The following SH3GL1 variants were observed in gnomAD, a reference collection of about 807,000 sequenced individuals.
The protein encoded by SH3GL1 is endophilin-A2.
SH3GL1 carries 21 observed loss-of-function variants against 48.8 expected under a neutral mutation model. The observed-to-expected ratio is 0.43, with a 90% CI of 0.30 to 0.62. SH3GL1 has a LOEUF of 0.62. Among genes scored for constraint, SH3GL1 ranks in the 20% least tolerant of loss-of-function variants. The pLI is 0.11. For missense variants in SH3GL1, 454 were observed against 503.0 expected, an observed-to-expected ratio of 0.90 and a Z score of 0.93; for synonymous variants, 282 against 217.5, an observed-to-expected ratio of 1.30 and a Z score of -2.61.
intron 1 of SH3GL1, among the ~76,000 whole-genome samples, chr19:4,368,883 A>C (rs1972838047): frequency 2.0e-5 from 3 of 152,108 alleles, no homozygotes; most frequent in Non-Finnish European, 2.9e-5. Context: ...CATCCTGGCT[A>C]ACACAGTGAA....
intron 1 of SH3GL1, among the ~76,000 whole-genome samples, chr19:4,385,406 G>A (rs1973217708): frequency 6.6e-6 from 1 of 152,222 alleles, no homozygotes. Flanking sequence ...CAGGGAATGT[G>A]TTCTGAATGC....
chr19:4,399,381 GGGGGA>G (rs1973480610), intron 1 of SH3GL1, among the ~76,000 whole-genome samples: 3 of 149,560 alleles, frequency 2.0e-5, no homozygotes, highest in African/African-American at 7.4e-5. Context: ...CAGTAGTCCT[GGGGGA>G]CAGGAAAGGA....
chr19:4,392,267 C>T (rs1973350922), intron 1 of SH3GL1, among the ~76,000 whole-genome samples: 1 of 152,240 alleles, frequency 6.6e-6, no homozygotes. Context: ...TGGCTCACGC[C>T]TGTAATCCCA....
chr19:4,375,977 C>T (rs1259644378), intron 1 of SH3GL1, among the ~76,000 whole-genome samples: 1 of 152,180 alleles, frequency 6.6e-6, no homozygotes, highest in East Asian at 1.9e-4. Flanking sequence ...GATCTTTTCT[C>T]AACAGCTCCT....
chr19:4,399,398 G>A (rs1221086771), intron 1 of SH3GL1, among the ~76,000 whole-genome samples: 3 of 150,692 alleles, frequency 2.0e-5, no homozygotes, highest in African/African-American at 7.3e-5. Flanking sequence ...AGGAAAGGAA[G>A]GGAGGAAGGA....
At chr19:4,379,615 G>A (rs993336736) in intron 1 of SH3GL1, among the ~76,000 whole-genome samples, 2 of 152,032 alleles carry the variant, frequency 1.3e-5, no homozygotes, top group African/African-American at 4.8e-5. Context: ...CTTCCTACCA[G>A]CTGGGAACTT....
rs1330327143 is a variant in SH3GL1, at chr19:4,365,540, C to T, written c.273G>A (p.Gly91=). The T allele has an allele frequency of 6.2e-7, 1 of 1,614,040 alleles. No individual in the cohort carries two copies. Among genetic ancestry groups the T allele is most frequent in the East Asian group, 2.2e-5 (1 of 44,882 alleles). ...VKNPGYPQSE[G]LLGECMIRHG... The stretch of plus-strand genomic sequence containing the variant: ...GGCGGATCATGCACTCGCCCAGAAG[C>T]CCCTCCGACTGCGGGTAGCCGGGGT... The change falls in exon 4 of 10, where the codon GGG becomes GGA. Residue 91 remains glycine (G), a synonymous_variant. Coordinates refer to ENST00000269886, the MANE Select transcript of SH3GL1 (RefSeq NM_003025.4).
At position 4,376,874 on chromosome 19, in the gene SH3GL1, C is replaced by T. The variant is rs1213325857; in HGVS notation, c.46-9880G>A. The stretch of plus-strand genomic sequence containing the variant: ...ACAGGAAGCACTCTCCAATGCTTAG[C>T]GCCCTAGAATAAAGGACCCCGGGCA... On this transcript the variant is annotated intron_variant, in intron 1 of 9. Transcript: ENST00000269886. The surrounding 1 kb of genome is among the most constrained non-coding windows in gnomAD (Gnocchi z 4.3). 1.3e-5 allele frequency among the ~76,000 whole-genome samples: 2 copies of T among 152,202 alleles called. No individual in the cohort carries two copies. The highest frequency in any genetic ancestry group is 2.9e-5 in the Non-Finnish European group (2 of 68,034).
Position 4,361,668 on chromosome 19 carries a change from T to A in SH3GL1, c.1039A>T (p.Met347Leu), listed in dbSNP as rs1366405325. Residue 347 changes from methionine to leucine, a missense_variant, in exon 10 of 10, where the codon ATG becomes TTG. Coordinates refer to ENST00000269886, the MANE Select transcript of SH3GL1 (RefSeq NM_003025.4). ...AAGAAGCCCGACTGGCCGTCCAGCA[T>A]GCCCTCGTACCAGTTCTCATCGATC... ...NQIDENWYEGMLDGQSGFFPL... is the reference protein window; with the variant it reads ...NQIDENWYEGLLDGQSGFFPL... 6.2e-7 allele frequency: 1 copy of A among 1,612,594 alleles called. No individual in the cohort carries two copies. The highest frequency in any genetic ancestry group is 1.7e-5 in the Admixed American group (1 of 60,004).
chr19:4,393,941 C>T (rs1187952087), intron 1 of SH3GL1, among the ~76,000 whole-genome samples: 1 of 151,880 alleles, frequency 6.6e-6, no homozygotes, highest in Non-Finnish European at 1.5e-5. Flanking sequence ...GGCCCAGGAT[C>T]CCCCGGCAGA....
intron 1 of SH3GL1, among the ~76,000 whole-genome samples, chr19:4,392,984 G>A (rs775241731): frequency 7.2e-5 from 11 of 152,144 alleles, no homozygotes; most frequent in Non-Finnish European, 1.3e-4. Context: ...CAACCCGGGC[G>A]TGGTAGCTCA....
chr19:4,372,582 A>G (rs142891753), intron 1 of SH3GL1, among the ~76,000 whole-genome samples: 1,531 of 152,276 alleles, frequency 0.01, 15 homozygotes, highest in Non-Finnish European at 0.015. Context: ...GCAGGGGCAA[A>G]GGATGTAGGG....
chr19:4,396,109 C>T (rs1599624672), intron 1 of SH3GL1: 1 of 151,994 alleles, frequency 6.6e-6, no homozygotes, highest in African/African-American at 2.4e-5. Context: ...AAATATCTAC[C>T]TGTGGGGCGG....
At position 4,367,019 on chromosome 19, in the gene SH3GL1, C is replaced by G; in HGVS notation, c.46-25G>C. 22 of 1,610,978 alleles carry G rather than the reference C, an allele frequency of 1.4e-5. No homozygotes were observed. Among genetic ancestry groups the G allele is most frequent in the Non-Finnish European group, 1.7e-5 (20 of 1,177,164 alleles). ...GCTAGAGGACAGAAGAGGGGAAACGCTGTGAGCCCAGGGGTAGGAGGAAGA... is the reference window on the plus strand; with the variant it reads ...GCTAGAGGACAGAAGAGGGGAAACGGTGTGAGCCCAGGGGTAGGAGGAAGA... On this transcript the variant is annotated intron_variant, in intron 1 of 9. Transcript: ENST00000269886. The surrounding 1 kb of genome is among the most constrained non-coding windows in gnomAD (Gnocchi z 4.2).
chr19:4,378,115 AC>A (rs1471597792), intron 1 of SH3GL1, among the ~76,000 whole-genome samples: 4 of 152,212 alleles, frequency 2.6e-5, no homozygotes, highest in Non-Finnish European at 5.9e-5. Context: ...AGGGCCTGGC[AC>A]CCAGGTGGCG....
At chr19:4,369,170 C>A (rs1339614462) in intron 1 of SH3GL1, among the ~76,000 whole-genome samples, 2 of 152,238 alleles carry the variant, frequency 1.3e-5, no homozygotes, top group East Asian at 1.9e-4. Context: ...CCTTGCGGGG[C>A]AGGAGAGTGG....
At chr19:4,363,115 G>A (rs571688808) in intron 7 of SH3GL1, among the ~76,000 whole-genome samples, 2 of 152,308 alleles carry the variant, frequency 1.3e-5, no homozygotes, top group African/African-American at 2.4e-5. Context: ...GTGTTCCTGT[G>A]GCAGCAGCAA....
intron 1 of SH3GL1, among the ~76,000 whole-genome samples, chr19:4,385,612 C>G (rs1444665886): frequency 6.6e-6 from 1 of 152,192 alleles, no homozygotes; most frequent in Non-Finnish European, 1.5e-5. Context: ...ACTATGGAAC[C>G]CTCAGCCAGT....
Position 4,361,076 on chromosome 19 carries a change from T to C in SH3GL1, c.*524A>G, listed in dbSNP as rs1443869315. The stretch of plus-strand genomic sequence containing the variant: ...AGTGCGTGTGTGAGGCGGGGGTGCA[T>C]TGGCCCTGGAGTAGGGCCAGGGCCC... On this transcript the variant is annotated 3_prime_UTR_variant, in exon 10 of 10. Coordinates refer to ENST00000269886, the MANE Select transcript of SH3GL1 (RefSeq NM_003025.4). 4.2e-6 allele frequency: 1 copy of C among 236,076 alleles called. No homozygotes were observed. The highest frequency in any genetic ancestry group is 5.6e-5 in the Admixed American group (1 of 17,954). The allele number at this position is 236,076 out of a possible 1,614,324, so 14.6% of individuals were successfully genotyped here. A position where few individuals can be genotyped will look rare whatever the true frequency, so the allele number is the denominator to read the frequency against.
Sources: allele counts gnomAD v4.1 joint callset (sites outside exome capture counted in the v4.1 genomes callset), GRCh38; gene constraint gnomAD v4.1.1; non-coding constraint Gnocchi (gnomAD v3.1); transcripts MANE v1.5; gene names NCBI Gene and HGNC (gene_info 2026-07-23, HGNC 2026-07-21).